Variants in ARSG observed in about 807,000 individuals in gnomAD.
The protein encoded by ARSG is arylsulfatase G.
In ARSG, 37 loss-of-function variants were observed where a neutral mutation model predicts 50.5. That is an observed-to-expected ratio of 0.73 (90% confidence interval 0.56 to 0.96). The LOEUF is 0.96. ARSG is among the 50% of genes least tolerant of loss of function. The pLI, the probability that ARSG is intolerant of heterozygous loss-of-function variation, is 0.00. For synonymous variants in ARSG, 225 were observed against 254.6 expected (o/e 0.88, Z 1.11); for missense variants, 629 against 675.3 (o/e 0.93, Z 0.76).
chr17:68,366,329 T>C (rs535964878), intron 6 of ARSG, among the ~76,000 whole-genome samples: 1 of 152,178 alleles, frequency 6.6e-6, no homozygotes, highest in Non-Finnish European at 1.5e-5. Context: ...GTTTGCAAAA[T>C]ACTTGAAATT....
At chr17:68,261,566 G>C (rs1207636696) in intron 1 of ARSG, among the ~76,000 whole-genome samples, 1 of 152,022 alleles carries the variant, frequency 6.6e-6, no homozygotes, top group Admixed American at 6.6e-5. Context: ...TTTTTGTAGA[G>C]AGGGGTTTTA....
At chr17:68,361,364 T>C (rs1026841944) in intron 6 of ARSG, among the ~76,000 whole-genome samples, 4 of 152,164 alleles carry the variant, frequency 2.6e-5, no homozygotes, top group African/African-American at 4.8e-5. Context: ...CACTTGTCTG[T>C]TAATAAGCCA....
chr17:68,263,554 C>G (rs1455005165), intron 1 of ARSG, among the ~76,000 whole-genome samples: 2 of 152,236 alleles, frequency 1.3e-5, no homozygotes, highest in African/African-American at 4.8e-5. Context: ...ACTGCAACCT[C>G]TGCCTTCTGG....
chr17:68,378,942 G>A lies in ARSG; in HGVS notation c.983-6122G>A, dbSNP rs1223054084. On this transcript the variant is annotated intron_variant, in intron 8 of 11. Transcript: ENST00000621439. The surrounding 1 kb of genome is among the most constrained non-coding windows in gnomAD (Gnocchi z 4.4). ...TCCAGTTTGGGGTCGGGGGTGGGGCGGGGAAAAGTCAGAGGTGCTGTGAGG... is the reference window on the plus strand; with the variant it reads ...TCCAGTTTGGGGTCGGGGGTGGGGCAGGGAAAAGTCAGAGGTGCTGTGAGG... Among the ~76,000 whole-genome samples the A allele has an allele frequency of 6.6e-6, 1 of 151,738 alleles. No homozygotes were observed. Among genetic ancestry groups the A allele is most frequent in the African/African-American group, 2.4e-5 (1 of 41,280 alleles).
Position 68,308,280 on chromosome 17 carries a change from G to A in ARSG, c.218+569G>A, listed in dbSNP as rs534392543. Among the ~76,000 whole-genome samples, 15 of 152,290 alleles carry A rather than the reference G, an allele frequency of 9.8e-5. No homozygotes were observed. The South Asian group carries it at 1.2e-3, about 13-fold the overall frequency. ...CAAGAATGAAGCTGCAAACCCTCGCGGTGAGTGTTACAGCTCTTAAGGTGG... is the reference window on the plus strand; with the variant it reads ...CAAGAATGAAGCTGCAAACCCTCGCAGTGAGTGTTACAGCTCTTAAGGTGG... On this transcript the variant is annotated intron_variant, in intron 2 of 11. Coordinates refer to ENST00000621439, the MANE Select transcript of ARSG (RefSeq NM_001267727.2).
Position 68,395,178 on chromosome 17 carries a change from A to C in ARSG, c.1197A>C (p.Ser399=). ...VDVSEVLFGR[S]QPGHRVLFHP... is the part of the protein sequence containing the mutation. ...TCTCCGAGGTGCTCTTTGGCCGGTC[A>C]CAGCCTGGGCACAGGGTAAGTGGAG... The change falls in exon 10 of 12, where the codon TCA becomes TCC. Residue 399 remains serine, a synonymous_variant. Transcript: ENST00000621439. 6.2e-7 allele frequency: 1 copy of C among 1,614,052 alleles called. No individual in the cohort carries two copies. Among genetic ancestry groups the C allele is most frequent in the Non-Finnish European group, 8.5e-7 (1 of 1,179,928 alleles).
intron 2 of ARSG, among the ~76,000 whole-genome samples, chr17:68,323,795 G>A (rs1438075259): frequency 6.6e-6 from 1 of 152,154 alleles, no homozygotes; most frequent in Non-Finnish European, 1.5e-5. Context: ...TCCACAGGCT[G>A]GGTGCTGTAG....
intron 7 of ARSG, among the ~76,000 whole-genome samples, 186 bp downstream of exon 7, chr17:68,368,930 C>A (rs1274861814): frequency 6.6e-6 from 1 of 152,218 alleles, no homozygotes; most frequent in African/African-American, 2.4e-5. Flanking sequence ...CCTCCAAGGC[C>A]AAGTCCCTGG....
At chr17:68,262,502 A>G (rs1454965627) in intron 1 of ARSG, among the ~76,000 whole-genome samples, 4 of 146,020 alleles carry the variant, frequency 2.7e-5, no homozygotes, top group Non-Finnish European at 6.1e-5. Flanking sequence ...CAGTGAGGCT[A>G]GTGTAGCAGG....
At chr17:68,346,428 G>A (rs556171108) in intron 3 of ARSG, among the ~76,000 whole-genome samples, 8 of 152,260 alleles carry the variant, frequency 5.3e-5, no homozygotes, top group South Asian at 2.1e-4. Flanking sequence ...TGCTGCCAGC[G>A]TCTCAATCTT....
intron 2 of ARSG, among the ~76,000 whole-genome samples, chr17:68,328,649 T>C (rs1198907989): frequency 6.6e-6 from 1 of 152,136 alleles, no homozygotes; most frequent in Non-Finnish European, 1.5e-5. Flanking sequence ...GACCAGGAGC[T>C]TGTAGGTGAA....
intron 6 of ARSG, among the ~76,000 whole-genome samples, chr17:68,366,732 C>G (rs1670871245): frequency 6.7e-6 from 1 of 149,260 alleles, no homozygotes; most frequent in Non-Finnish European, 1.5e-5. Flanking sequence ...TGTATATATA[C>G]AGATATATAT....
chr17:68,434,324 C>T, the ARSG span, among the ~76,000 whole-genome samples: 1 of 152,196 alleles, frequency 6.6e-6, no homozygotes, highest in South Asian at 2.1e-4. Flanking sequence ...CGCCCACACA[C>T]ACATCAAAAA....
intron 8 of ARSG, among the ~76,000 whole-genome samples, chr17:68,373,465 G>T (rs191130431): frequency 1.9e-3 from 288 of 152,106 alleles, no homozygotes; most frequent in African/African-American, 6.8e-3. Flanking sequence ...CTGACCTCAG[G>T]TGATCCACCC....
chr17:68,380,772 C>A (rs112183224), intron 8 of ARSG, among the ~76,000 whole-genome samples: 4 of 152,052 alleles, frequency 2.6e-5, no homozygotes, highest in African/African-American at 9.7e-5. Flanking sequence ...GGAGTCAGTG[C>A]CCTAACTCTT....
At chr17:68,383,276 A>G (rs1349058095) in intron 8 of ARSG, among the ~76,000 whole-genome samples, 3 of 152,178 alleles carry the variant, frequency 2.0e-5, no homozygotes, top group African/African-American at 7.2e-5. Context: ...ATTGGTGAAG[A>G]CCAATTAGCA....
intron 1 of ARSG, among the ~76,000 whole-genome samples, chr17:68,280,452 A>G (rs1555752313): frequency 6.6e-6 from 1 of 152,210 alleles, no homozygotes; most frequent in Non-Finnish European, 1.5e-5. Flanking sequence ...ACACTGACCA[A>G]TGGAACAGAA....
the ARSG span, chr17:68,450,818 C>T: frequency 6.2e-7 from 1 of 1,614,188 alleles, no homozygotes; most frequent in Non-Finnish European, 8.5e-7. Flanking sequence ...CGTTCATCTG[C>T]CGTGGTTTTG....
chr17:68,433,203 C>T, the ARSG span, among the ~76,000 whole-genome samples: 1 of 152,244 alleles, frequency 6.6e-6, no homozygotes, highest in Admixed American at 6.5e-5. Context: ...AACTGAAGGA[C>T]ACAGATCTAA....
Sources: allele counts gnomAD v4.1 joint callset (sites outside exome capture counted in the v4.1 genomes callset), GRCh38; gene constraint gnomAD v4.1.1; non-coding constraint Gnocchi (gnomAD v3.1); transcripts MANE v1.5; gene names NCBI Gene and HGNC (gene_info 2026-07-23, HGNC 2026-07-21).